SCN9A: variants seen among roughly 807,000 people sequenced by gnomAD.
SCN9A encodes sodium voltage-gated channel alpha subunit 9, also known as sodium channel protein type 9 subunit alpha.
Under a neutral mutation model 187.0 loss-of-function variants are expected in SCN9A, and 131 were observed. The ratio of observed to expected loss-of-function variants is 0.70; its 90% CI spans 0.61 to 0.81. SCN9A has a LOEUF of 0.81. Ranked by LOEUF, SCN9A falls within the 30% of genes least tolerant of loss-of-function variation. The pLI is 0.00. For missense variants in SCN9A, 2,252 were observed against 2,396.6 expected (o/e 0.94, Z 1.26); for synonymous variants, 809 against 808.6 (o/e 1.00, Z -0.01).
chr2:166,308,336 G>A (rs1240913363), intron 2 of SCN9A, among the ~76,000 whole-genome samples: 3 of 152,132 alleles, frequency 2.0e-5, no homozygotes, highest in Non-Finnish European at 4.4e-5. Flanking sequence ...CCACGTCTCA[G>A]GGGAGGGACC....
At chr2:166,288,093 TTATATATATATATA>T (rs72083111) in intron 10 of SCN9A, among the ~76,000 whole-genome samples, 2 of 134,914 alleles carry the variant, frequency 1.5e-5, no homozygotes, top group African/African-American at 2.7e-5. Flanking sequence ...TTCCATGTGT[TTATATATATATATA>T]TATATATATA....
chr2:166,218,004 A>G (rs928519557), intron 24 of SCN9A, among the ~76,000 whole-genome samples: 2 of 151,996 alleles, frequency 1.3e-5, no homozygotes, highest in Admixed American at 1.3e-4. Flanking sequence ...TTTTACCATT[A>G]CTTTTGCTGC....
chr2:166,246,412 T>C (rs768222736), intron 18 of SCN9A, among the ~76,000 whole-genome samples: 1 of 152,030 alleles, frequency 6.6e-6, no homozygotes, highest in Non-Finnish European at 1.5e-5. Flanking sequence ...AAATTATGTA[T>C]CATCCTATAC....
intron 19 of SCN9A, among the ~76,000 whole-genome samples, chr2:166,239,138 G>A (rs981638899): frequency 1.3e-5 from 2 of 148,968 alleles, no homozygotes; most frequent in African/African-American, 5.0e-5. Flanking sequence ...AATTTGAAAG[G>A]ACTGAAAAAT....
intron 20 of SCN9A, among the ~76,000 whole-genome samples, chr2:166,234,566 T>C (rs1422491507): frequency 3.9e-5 from 6 of 152,200 alleles, no homozygotes; most frequent in Non-Finnish European, 8.8e-5. Context: ...GTGCTCATCC[T>C]CATGTAGTAT....
chr2:166,293,858 A>G (rs1698185226), intron 8 of SCN9A, among the ~76,000 whole-genome samples: 2 of 152,200 alleles, frequency 1.3e-5, no homozygotes, highest in African/African-American at 4.8e-5. Flanking sequence ...CTAAGTTCAT[A>G]AAAATGTGCA....
At chr2:166,292,931 C>A (rs1237901239) in intron 9 of SCN9A, among the ~76,000 whole-genome samples, 2 of 152,128 alleles carry the variant, frequency 1.3e-5, no homozygotes, top group African/African-American at 4.8e-5. Flanking sequence ...TGTGCAGGAG[C>A]AGCTTGAGAA....
At chr2:166,258,158 C>G (rs1248108394) in intron 17 of SCN9A, among the ~76,000 whole-genome samples, 1 of 151,336 alleles carries the variant, frequency 6.6e-6, no homozygotes, top group Non-Finnish European at 1.5e-5. Flanking sequence ...GAGATTCCTG[C>G]CCCCATCCTA....
chr2:166,364,353 G>C (rs1700363350), intron 1 of SCN9A, among the ~76,000 whole-genome samples: 1 of 152,018 alleles, frequency 6.6e-6, no homozygotes, highest in Non-Finnish European at 1.5e-5. Context: ...ATTAATAGAA[G>C]GGACGCATGT....
rs531560375 is a variant in SCN9A at position 166,213,521 on chromosome 2, G to C, written c.4399-9057C>G. Among the ~76,000 whole-genome samples, 6 of 148,926 alleles carry C rather than the reference G, an allele frequency of 4.0e-5. No individual in the cohort carries two copies. In the South Asian group the frequency reaches 1.3e-3, roughly 32 times the overall value. ...GATAATGATAGTAACTCCCAAAAAA[G>C]AAATGTACAGGACCAGACGGCTTCT... On this transcript the variant is annotated intron_variant, in intron 24 of 26. Coordinates refer to ENST00000642356, the MANE Select transcript of SCN9A (RefSeq NM_001365536.1).
intron 24 of SCN9A, among the ~76,000 whole-genome samples, chr2:166,206,612 T>A (rs1392141982): frequency 1.3e-5 from 2 of 152,112 alleles, no homozygotes; most frequent in Non-Finnish European, 1.5e-5. Context: ...TGTATACCTA[T>A]GTAACAAACC....
At chr2:166,225,900 A>G (rs1694823871) in intron 24 of SCN9A, among the ~76,000 whole-genome samples, 1 of 152,128 alleles carries the variant, frequency 6.6e-6, no homozygotes, top group South Asian at 2.1e-4. Flanking sequence ...CTTTAAAGAG[A>G]ACATGGACCT....
chr2:166,203,811 G>A (rs1693660570), intron 26 of SCN9A, 144 bp downstream of exon 26: 1 of 601,576 alleles, frequency 1.7e-6, no homozygotes, highest in Non-Finnish European at 2.9e-6. Context: ...TATTTGTTTT[G>A]CTTTTTAGGA....
At position 166,314,192 on chromosome 2, in the gene SCN9A, A is replaced by T. The variant is rs185386849; in HGVS notation, c.-50-2386T>A. ...TGTGACACAGATGCATGAAGTGAGC[A>T]CATGCTGTTGAAAAAATTACGCTGA... is the stretch of plus-strand genomic sequence containing the variant. On this transcript the variant is annotated intron_variant, in intron 1 of 26. Coordinates refer to ENST00000642356, the MANE Select transcript of SCN9A (RefSeq NM_001365536.1). Among the ~76,000 whole-genome samples the T allele has an allele frequency of 1.4e-3, 212 of 152,334 alleles. 1 individual carries two copies. The highest frequency in any genetic ancestry group is 5.0e-3 in the African/African-American group (207 of 41,586).
intron 1 of SCN9A, among the ~76,000 whole-genome samples, chr2:166,354,104 C>A (rs1253578404): frequency 6.6e-6 from 1 of 151,236 alleles, no homozygotes; most frequent in East Asian, 1.9e-4. Context: ...CAAACATTTA[C>A]AATAATCCAT....
chr2:166,269,696 C>A (rs527721090), intron 17 of SCN9A, among the ~76,000 whole-genome samples: 1 of 152,070 alleles, frequency 6.6e-6, no homozygotes, highest in Non-Finnish European at 1.5e-5. Flanking sequence ...ACTCAACATA[C>A]TAAGAATAAG....
intron 11 of SCN9A, among the ~76,000 whole-genome samples, chr2:166,285,611 T>C (rs1307237019): frequency 6.6e-6 from 1 of 152,348 alleles, no homozygotes; most frequent in Admixed American, 6.5e-5. Context: ...GCAGGGACTC[T>C]ATCTTTTTTT....
At position 166,303,061 on chromosome 2, in the gene SCN9A, C is replaced by A. The variant is rs1698625365; in HGVS notation, c.901+29G>T. ...AGCAATGTTTTTAGCATTATTTCAA[C>A]CTAATAACAAATGCAAGGACATTCT... is the stretch of plus-strand genomic sequence containing the variant. On this transcript the variant is annotated intron_variant, in intron 7 of 26. Coordinates refer to ENST00000642356, the MANE Select transcript of SCN9A (RefSeq NM_001365536.1). 2.1e-6 allele frequency: 3 copies of A among 1,440,008 alleles called. No homozygotes were observed. The East Asian group carries it at 7.1e-5, about 34-fold the overall frequency. 89.2% of individuals were successfully genotyped at this position (1,440,008 alleles called of 1,614,324 possible).
intron 1 of SCN9A, among the ~76,000 whole-genome samples, chr2:166,359,643 A>T (rs1259846035): frequency 2.0e-5 from 3 of 152,072 alleles, no homozygotes; most frequent in Admixed American, 6.5e-5. Context: ...TAACTTCAAC[A>T]AGAGTAGTTC....
Sources: allele counts gnomAD v4.1 joint callset (sites outside exome capture counted in the v4.1 genomes callset), GRCh38; gene constraint gnomAD v4.1.1; transcripts MANE v1.5; gene names NCBI Gene and HGNC (gene_info 2026-07-23, HGNC 2026-07-21).